RAB28: variants seen among roughly 807,000 people sequenced by gnomAD.
The protein encoded by RAB28 is ras-related protein Rab-28.
In RAB28, 24 loss-of-function variants were observed where a neutral mutation model predicts 31.7. That is an observed-to-expected ratio of 0.76 (90% CI 0.55 to 1.06). RAB28 has a LOEUF of 1.06. RAB28 is among the 50% of genes least tolerant of loss of function. The probability of loss-of-function intolerance (pLI) is 0.00; values close to 1 mark genes in which losing one functional copy is unlikely to be tolerated. For missense variants in RAB28, 254 were observed against 258.5 expected (o/e 0.98, Z 0.12); for synonymous variants, 100 against 90.4 (o/e 1.11, Z -0.60).
chr4:13,444,514 A>G (rs1714598718), intron 4 of RAB28, among the ~76,000 whole-genome samples: 1 of 152,136 alleles, frequency 6.6e-6, no homozygotes, highest in Non-Finnish European at 1.5e-5. Flanking sequence ...CAACACACTG[A>G]TTTTATTTCC....
intron 4 of RAB28, among the ~76,000 whole-genome samples, chr4:13,382,993 C>A (rs1022534593): frequency 6.6e-6 from 1 of 151,916 alleles, no homozygotes; most frequent in Admixed American, 6.6e-5. Context: ...AGCCACAGCA[C>A]CTGGTCTTTT....
rs370951850 is a variant in RAB28 at position 13,386,412 on chromosome 4, G to GA, written c.392-4819dup. Among the ~76,000 whole-genome samples the GA allele has an allele frequency of 1.2e-3, 176 of 149,544 alleles. 2 individuals carry two copies. The South Asian group carries it at 0.018, about 15-fold the overall frequency. Reference sequence around the variant, plus strand: ...ATAAGGTATTTAAACAAATTTACAAGAAAAAAAAACAGCTCAATTAAAAAG... The same window carrying GA: ...ATAAGGTATTTAAACAAATTTACAAGAAAAAAAAAACAGCTCAATTAAAAAG... On this transcript the variant is annotated intron_variant, in intron 4 of 6. Coordinates refer to ENST00000330852, the MANE Select transcript of RAB28 (RefSeq NM_001017979.3).
chr4:13,482,512 C>G (rs76796301), intron 1 of RAB28, among the ~76,000 whole-genome samples: 1 of 152,002 alleles, frequency 6.6e-6, no homozygotes, highest in Non-Finnish European at 1.5e-5. Context: ...AGAGCCAAAA[C>G]CTTAGACGGC....
At chr4:13,455,309 A>T (rs1172222804) in intron 4 of RAB28, among the ~76,000 whole-genome samples, 1 of 152,186 alleles carries the variant, frequency 6.6e-6, no homozygotes, top group Non-Finnish European at 1.5e-5. Flanking sequence ...AGGGGAAGGT[A>T]CACAGCAGTT....
At chr4:13,376,459 C>A in intron 6 of RAB28, 86 bp downstream of exon 6, 1 of 873,768 alleles carries the variant, frequency 1.1e-6, no homozygotes, top group Non-Finnish European at 1.8e-6. Context: ...ACACAGAAGG[C>A]ATAAATGGGA....
intron 4 of RAB28, among the ~76,000 whole-genome samples, chr4:13,400,449 A>G (rs963543400): frequency 6.6e-6 from 1 of 152,170 alleles, no homozygotes; most frequent in African/African-American, 2.4e-5. Context: ...GAGTCTTTGT[A>G]TCCTTGAAAA....
chr4:13,405,754 A>G lies in RAB28; in HGVS notation c.392-24160T>C, dbSNP rs560664960. On this transcript the variant is annotated intron_variant, in intron 4 of 6. Coordinates refer to ENST00000330852, the MANE Select transcript of RAB28 (RefSeq NM_001017979.3). Reference sequence around the variant, plus strand: ...TACACTGTGAGAATTCAGAACAAATAAACATTATAGCTTTTCATGATAGAG... The same window carrying G: ...TACACTGTGAGAATTCAGAACAAATGAACATTATAGCTTTTCATGATAGAG... 2.0e-5 allele frequency among the ~76,000 whole-genome samples: 3 copies of G among 152,312 alleles called. No individual in the cohort carries two copies. The East Asian group carries it at 5.8e-4, about 29-fold the overall frequency.
At chr4:13,411,708 G>A (rs1349403335) in intron 4 of RAB28, among the ~76,000 whole-genome samples, 1 of 151,494 alleles carries the variant, frequency 6.6e-6, no homozygotes, top group Non-Finnish European at 1.5e-5. Flanking sequence ...ATTATAATTG[G>A]AAAATAAAGA....
At chr4:13,447,446 G>A (rs73100418) in intron 4 of RAB28, among the ~76,000 whole-genome samples, 1,984 of 151,390 alleles carry the variant, frequency 0.013, 26 homozygotes, top group African/African-American at 0.045. Context: ...CTGAACCTTG[G>A]GATAATAAAT....
chr4:13,368,768 G>A, intron 6 of RAB28, 118 bp from the exon 7 acceptor site: 1 of 754,484 alleles, frequency 1.3e-6, no homozygotes, highest in Non-Finnish European at 2.0e-6. Context: ...CACCATAAAT[G>A]AAGCAGGAGT....
intron 4 of RAB28, among the ~76,000 whole-genome samples, chr4:13,447,639 C>CA (rs1342193845): frequency 6.6e-6 from 1 of 152,058 alleles, no homozygotes; most frequent in Non-Finnish European, 1.5e-5. Context: ...TTAGAGCCCC[C>CA]AAAATACCCT....
At chr4:13,443,283 C>A (rs564471765) in intron 4 of RAB28, among the ~76,000 whole-genome samples, 1 of 152,062 alleles carries the variant, frequency 6.6e-6, no homozygotes, top group South Asian at 2.1e-4. Context: ...AAGCAATTCT[C>A]CTGCCTCAGC....
chr4:13,480,419 C>A (rs925766668), intron 1 of RAB28, among the ~76,000 whole-genome samples: 8 of 151,822 alleles, frequency 5.3e-5, no homozygotes, highest in Non-Finnish European at 1.0e-4. Flanking sequence ...CTCTTCAAGA[C>A]AGACTCCCTA....
intron 4 of RAB28, among the ~76,000 whole-genome samples, chr4:13,454,518 T>C (rs1715185576): frequency 6.6e-6 from 1 of 152,138 alleles, no homozygotes; most frequent in Non-Finnish European, 1.5e-5. Flanking sequence ...GCCCTGGGTG[T>C]CAGTTTAGTG....
chr4:13,475,541 G>C (rs1041073863), intron 2 of RAB28, among the ~76,000 whole-genome samples: 1 of 151,454 alleles, frequency 6.6e-6, no homozygotes, highest in East Asian at 1.9e-4. Context: ...AAAGACATTT[G>C]ATTAACCAGC....
At chr4:13,459,743 G>A (rs1290189870) in intron 4 of RAB28, 17 of 1,056,828 alleles carry the variant, frequency 1.6e-5, no homozygotes, top group African/African-American at 1.7e-5. Context: ...GTTTATAAGA[G>A]ACAGGAGCAA....
chr4:13,427,950 C>G (rs942545022), intron 4 of RAB28, among the ~76,000 whole-genome samples: 6 of 152,144 alleles, frequency 3.9e-5, no homozygotes, highest in Non-Finnish European at 5.9e-5. Flanking sequence ...ACGCAGCTCC[C>G]GAGTGAGCAA....
At chr4:13,392,174 T>C (rs774703187) in intron 4 of RAB28, among the ~76,000 whole-genome samples, 1 of 152,194 alleles carries the variant, frequency 6.6e-6, no homozygotes, top group Non-Finnish European at 1.5e-5. Context: ...ACTCTCTAAA[T>C]TTATGTGATG....
chr4:13,453,458 C>T (rs1203228604), intron 4 of RAB28, among the ~76,000 whole-genome samples: 5 of 152,034 alleles, frequency 3.3e-5, no homozygotes, highest in South Asian at 2.1e-4. Flanking sequence ...TTTAGTTTCA[C>T]GTGTTCTCAT....
Sources: allele counts gnomAD v4.1 joint callset (sites outside exome capture counted in the v4.1 genomes callset), GRCh38; gene constraint gnomAD v4.1.1; transcripts MANE v1.5; gene names NCBI Gene and HGNC (gene_info 2026-07-23, HGNC 2026-07-21).